ZNF292: variants seen among roughly 807,000 people sequenced by gnomAD.
ZNF292 encodes the protein 16 zinc-finger domain protein.
In ZNF292, 26 loss-of-function variants were observed where a neutral mutation model predicts 217.9. The observed-to-expected ratio is 0.12, with a 90% CI of 0.09 to 0.17. The LOEUF (loss-of-function observed/expected upper bound fraction) is 0.17, where lower values mean the gene tolerates loss of function less well. ZNF292 is among the 10% of genes least tolerant of loss of function. ZNF292 has a pLI of 1.00. For synonymous variants in ZNF292, 1,257 were observed against 1,124.1 expected (o/e 1.12, Z -2.37); for missense variants, 2,904 against 3,175.2 (o/e 0.91, Z 2.05).
rs770092830 is a variant in ZNF292, at chr6:87,258,744, T to C, written c.5115T>C (p.Asn1705=). 105 of 1,613,274 alleles carry C rather than the reference T, an allele frequency of 6.5e-5. No homozygotes were observed. Among genetic ancestry groups the C allele is most frequent in the Non-Finnish European group, 8.6e-5 (102 of 1,179,678 alleles). ...TATTTATGACTGATGTAAAAGAGAA[T>C]TTCAAAACCAGTCTTGAGTCCCATA... The part of the protein sequence containing the change: ...NQLFMTDVKE[N]FKTSLESHTV... Residue 1705 remains asparagine, a synonymous_variant, in exon 8 of 8, where the codon AAT becomes AAC. Coordinates refer to ENST00000369577, the MANE Select transcript of ZNF292 (RefSeq NM_015021.3).
At chr6:87,253,466 G>A (rs914686160) in intron 7 of ZNF292, among the ~76,000 whole-genome samples, 2 of 151,920 alleles carry the variant, frequency 1.3e-5, no homozygotes, top group African/African-American at 4.8e-5. Flanking sequence ...CTGAGATCAA[G>A]CGATCCTCCT....
chr6:87,210,398 A>G (rs1772434386), intron 1 of ZNF292, among the ~76,000 whole-genome samples: 1 of 152,182 alleles, frequency 6.6e-6, no homozygotes, highest in South Asian at 2.1e-4. Context: ...AAACACCGCA[A>G]GAAACAGTGT....
At chr6:87,197,722 C>CAAAA (rs11312557) in intron 1 of ZNF292, among the ~76,000 whole-genome samples, 9 of 77,340 alleles carry the variant, frequency 1.2e-4, no homozygotes, top group African/African-American at 3.8e-4. Flanking sequence ...CTCGCTGTTT[C>CAAAA]AAAAAAAAAA....
rs1253172179 is a variant in ZNF292, at chr6:87,264,199, C to G, written c.*2398C>G. 1 of 152,016 alleles carries G rather than the reference C, an allele frequency of 6.6e-6. No individual in the cohort carries two copies. The highest frequency in any genetic ancestry group is 1.5e-5 in the Non-Finnish European group (1 of 67,990). The allele number at this position is 152,016 out of a possible 1,614,324, so 9.4% of individuals were successfully genotyped here. ...TAAAATATATTTTTTTCATGGTATA[C>G]TTTTCCCCAGCCTATTGTCTTGAGA... is the stretch of plus-strand genomic sequence containing the variant. On this transcript the variant is annotated 3_prime_UTR_variant, in exon 8 of 8. Coordinates refer to ENST00000369577, the MANE Select transcript of ZNF292 (RefSeq NM_015021.3).
intron 4 of ZNF292, among the ~76,000 whole-genome samples, chr6:87,221,876 C>T (rs773061276): frequency 3.1e-4 from 47 of 152,216 alleles, no homozygotes; most frequent in Non-Finnish European, 5.9e-4. Context: ...TCTTTCTCTT[C>T]ATGCTAACAA....
intron 1 of ZNF292, among the ~76,000 whole-genome samples, chr6:87,210,838 T>G (rs1416137754): frequency 3.9e-5 from 6 of 152,092 alleles, no homozygotes. Context: ...AGAGCCTGTG[T>G]CTGATCTCAG....
intron 7 of ZNF292, among the ~76,000 whole-genome samples, chr6:87,246,587 A>G (rs933506297): frequency 2.6e-5 from 4 of 152,236 alleles, no homozygotes; most frequent in Admixed American, 2.6e-4. Context: ...ATCCTGGGCC[A>G]GGCCAGGCTG....
chr6:87,254,360 G>A (rs1775092295), intron 7 of ZNF292, among the ~76,000 whole-genome samples: 1 of 152,148 alleles, frequency 6.6e-6, no homozygotes, highest in South Asian at 2.1e-4. Flanking sequence ...TTTTATAAGT[G>A]GGATGGGAAA....
intron 1 of ZNF292, among the ~76,000 whole-genome samples, chr6:87,205,874 TTAAGTTGGC>T (rs1158252546): frequency 6.6e-6 from 1 of 152,238 alleles, no homozygotes; most frequent in African/African-American, 2.4e-5. Flanking sequence ...TTTGTCCAAT[TTAAGTTGGC>T]TACTTAGTTA....
At chr6:87,201,272 T>G (rs1218422282) in intron 1 of ZNF292, among the ~76,000 whole-genome samples, 1 of 152,156 alleles carries the variant, frequency 6.6e-6, no homozygotes, top group Non-Finnish European at 1.5e-5. Context: ...TGAACAGAAG[T>G]TTTTAATTCT....
In ZNF292 at chr6:87,205,783, G is replaced by T. The variant is rs967063314; in HGVS notation, c.169-10120G>T. 8.6e-5 allele frequency among the ~76,000 whole-genome samples: 13 copies of T among 151,968 alleles called. No individual in the cohort carries two copies. In the South Asian group the frequency reaches 2.7e-3, roughly 32 times the overall value. Reference sequence around the variant, plus strand: ...TTTTTAAACATCCTCACCACAATCTGTGTCTTTATTTTCTATGTCATTTAT... The same window carrying T: ...TTTTTAAACATCCTCACCACAATCTTTGTCTTTATTTTCTATGTCATTTAT... On this transcript the variant is annotated intron_variant, in intron 1 of 7. Coordinates refer to ENST00000369577, the MANE Select transcript of ZNF292 (RefSeq NM_015021.3).
chr6:87,217,617 A>G (rs1772855598), intron 3 of ZNF292, among the ~76,000 whole-genome samples: 1 of 152,120 alleles, frequency 6.6e-6, no homozygotes, highest in South Asian at 2.1e-4. Context: ...ATAAAATTTT[A>G]CACTTTCTTT....
At chr6:87,230,065 T>C (rs559603051) in intron 4 of ZNF292, among the ~76,000 whole-genome samples, 1 of 152,252 alleles carries the variant, frequency 6.6e-6, no homozygotes, top group Admixed American at 6.5e-5. Flanking sequence ...GGTGATAGAT[T>C]GATGTCTGGG....
In ZNF292 at chr6:87,226,534, A is replaced by G. The variant is rs1015004447; in HGVS notation, c.539-6791A>G. ...TAATTAAATATAAGTATTTAATTAT[A>G]TGACCCAAAGTTTTCAGTTTTACTG... On this transcript the variant is annotated intron_variant, in intron 4 of 7. Coordinates refer to ENST00000369577, the MANE Select transcript of ZNF292 (RefSeq NM_015021.3). 3.3e-5 allele frequency among the ~76,000 whole-genome samples: 5 copies of G among 150,984 alleles called. No individual in the cohort carries two copies. The East Asian group carries it at 7.7e-4, about 23-fold the overall frequency.
chr6:87,184,319 T>G (rs1408699693), intron 1 of ZNF292, among the ~76,000 whole-genome samples: 2 of 152,238 alleles, frequency 1.3e-5, no homozygotes, highest in African/African-American at 4.8e-5. Context: ...CTCTACACAT[T>G]TTGTAAGTAT....
chr6:87,156,764 A>G lies in ZNF292; in HGVS notation c.168+1005A>G, dbSNP rs1460269163. 3.8e-4 allele frequency among the ~76,000 whole-genome samples: 58 copies of G among 152,232 alleles called. 1 individual carries two copies. The highest frequency in any genetic ancestry group is 3.7e-3 in the Admixed American group (56 of 15,288). On this transcript the variant is annotated intron_variant, in intron 1 of 7. Coordinates refer to ENST00000369577, the MANE Select transcript of ZNF292 (RefSeq NM_015021.3). The stretch of plus-strand genomic sequence containing the variant: ...TGGAATGTTAATAACACTGTTTGCT[A>G]GTGATGAAAATCATTTCATCCATGG...
chr6:87,197,297 C>G (rs1226437189), intron 1 of ZNF292, among the ~76,000 whole-genome samples: 2 of 152,044 alleles, frequency 1.3e-5, no homozygotes, highest in East Asian at 3.8e-4. Context: ...AGCAGTTGCT[C>G]TTCTGGAAAT....
At position 87,243,456 on chromosome 6, in the gene ZNF292, C is replaced by A; in HGVS notation, c.742-19C>A. The A allele has an allele frequency of 6.5e-7, 1 of 1,529,386 alleles. No individual in the cohort carries two copies. The highest frequency in any genetic ancestry group is 8.8e-7 in the Non-Finnish European group (1 of 1,139,122). The allele number at this position is 1,529,386 out of a possible 1,614,324, so 94.7% of individuals were successfully genotyped here. On this transcript the variant is annotated intron_variant, in intron 5 of 7. Transcript: ENST00000369577. Reference sequence around the variant, plus strand: ...TATAAAACCATTTTGTGGCATATTTCTATTGGCTTTTTCTTTAGATTTCAG... The same window carrying A: ...TATAAAACCATTTTGTGGCATATTTATATTGGCTTTTTCTTTAGATTTCAG...
chr6:87,259,674 T>C lies in ZNF292; in HGVS notation c.6045T>C (p.Asn2015=). 1 of 1,591,338 alleles carries C rather than the reference T, an allele frequency of 6.3e-7. No homozygotes were observed. The highest frequency in any genetic ancestry group is 8.6e-7 in the Non-Finnish European group (1 of 1,168,696). Residue 2015 remains asparagine (N), a synonymous_variant, in exon 8 of 8, where the codon AAT becomes AAC. Transcript: ENST00000369577. ...VKKQLAMTEE[N]KKESQPALEL... ...AACAGCTAGCTATGACAGAGGAAAA[T>C]AAAAAGGAATCTCAGCCTGCTTTAG... is the stretch of plus-strand genomic sequence containing the variant.
Sources: allele counts gnomAD v4.1 joint callset (sites outside exome capture counted in the v4.1 genomes callset), GRCh38; gene constraint gnomAD v4.1.1; transcripts MANE v1.5; gene names NCBI Gene and HGNC (gene_info 2026-07-23, HGNC 2026-07-21).